The following PAFAH1B1 variants were observed in gnomAD, a reference collection of about 807,000 sequenced individuals.
PAFAH1B1 encodes platelet activating factor acetylhydrolase 1b regulatory subunit 1.
Under a neutral mutation model 57.5 loss-of-function variants are expected in PAFAH1B1, and 2 were observed. The observed-to-expected ratio is 0.03, with a 90% CI of 0.01 to 0.11. The LOEUF is 0.11. Ranked by LOEUF, PAFAH1B1 falls within the 10% of genes least tolerant of loss-of-function variation. The pLI, the probability that PAFAH1B1 is intolerant of heterozygous loss-of-function variation, is 1.00. For synonymous variants in PAFAH1B1, 152 were observed against 169.6 expected (o/e 0.90, Z 0.81); for missense variants, 257 against 512.0 (o/e 0.50, Z 4.81).
intron 5 of PAFAH1B1, among the ~76,000 whole-genome samples, chr17:2,669,838 TTATTTAC>T (rs2069157007): frequency 1.3e-5 from 2 of 152,176 alleles, no homozygotes; most frequent in Admixed American, 6.6e-5. Flanking sequence ...TTAAGTTTCC[TTATTTAC>T]ATGTCATTCC....
chr17:2,633,141 GATTT>G (rs1019248135), intron 1 of PAFAH1B1, among the ~76,000 whole-genome samples: 2 of 151,380 alleles, frequency 1.3e-5, no homozygotes, highest in African/African-American at 2.4e-5. Context: ...CCACCATCAA[GATTT>G]ATTTTTTTCT....
At position 2,666,084 on chromosome 17, in the gene PAFAH1B1, A is replaced by G; in HGVS notation, c.186A>G (p.Gln62=). 6.6e-7 allele frequency: 1 copy of G among 1,506,014 alleles called. No homozygotes were observed. Among genetic ancestry groups the G allele is most frequent in the Non-Finnish European group, 9.1e-7 (1 of 1,099,726 alleles). 93.3% of individuals were successfully genotyped at this position (1,506,014 alleles called of 1,614,324 possible). Residue 62 remains glutamine (Q), a synonymous_variant, in exon 4 of 11, where the codon CAA becomes CAG. Coordinates refer to ENST00000397195, the MANE Select transcript of PAFAH1B1 (RefSeq NM_000430.4). ...EKKWTSVIRL[Q]KKVMELESKL... is the part of the protein sequence containing the mutation. ...AATGGACATCTGTTATTAGATTACA[A>G]AAGAAGGTAACTAAGTCTTTTTTCT...
At chr17:2,628,328 G>T (rs2068517310) in intron 1 of PAFAH1B1, among the ~76,000 whole-genome samples, 1 of 152,106 alleles carries the variant, frequency 6.6e-6, no homozygotes, top group South Asian at 2.1e-4. Context: ...CTATTGAGAT[G>T]ATCATGTGGT....
chr17:2,642,763 G>T (rs1240050074), intron 2 of PAFAH1B1, among the ~76,000 whole-genome samples: 2 of 152,130 alleles, frequency 1.3e-5, no homozygotes, highest in Non-Finnish European at 2.9e-5. Context: ...AGGTTACTTA[G>T]AATTTGTTTT....
Position 2,593,789 on chromosome 17 carries a change from A to C in PAFAH1B1, c.-408A>C, listed in dbSNP as rs1475606766. The C allele has an allele frequency of 7.7e-6, 3 of 389,252 alleles. No homozygotes were observed. The highest frequency in any genetic ancestry group is 1.4e-5 in the Non-Finnish European group (3 of 220,532). 24.1% of individuals were successfully genotyped at this position (389,252 alleles called of 1,614,324 possible). ...GGAGCGCTCGGGCGCGAGCGAGAGAAACCGCGAGCGCCGAGCTTGGACTCG... is the reference window on the plus strand; with the variant it reads ...GGAGCGCTCGGGCGCGAGCGAGAGACACCGCGAGCGCCGAGCTTGGACTCG... On this transcript the variant is annotated 5_prime_UTR_variant, in exon 1 of 11. Transcript: ENST00000397195.
chr17:2,626,262 A>AG (rs2068488110), intron 1 of PAFAH1B1, among the ~76,000 whole-genome samples: 2 of 152,110 alleles, frequency 1.3e-5, no homozygotes, highest in African/African-American at 4.8e-5. Flanking sequence ...AAAAAAAAAA[A>AG]AAATTATTTC....
At chr17:2,681,265 C>T (rs958271690) in intron 10 of PAFAH1B1, 3 of 153,170 alleles carry the variant, frequency 2.0e-5, no homozygotes, top group African/African-American at 7.3e-5. Flanking sequence ...ATTTGAGCCC[C>T]ATTTGGGATG....
intron 2 of PAFAH1B1, among the ~76,000 whole-genome samples, chr17:2,645,150 G>A (rs1280001186): frequency 6.6e-6 from 1 of 152,172 alleles, no homozygotes; most frequent in Non-Finnish European, 1.5e-5. Context: ...AGCTGGCTGA[G>A]GCAAGAGGAT....
chr17:2,680,818 G>A, intron 10 of PAFAH1B1: 1 of 196,864 alleles, frequency 5.1e-6, no homozygotes, highest in African/African-American at 2.4e-5. Context: ...CAAAGCCTGC[G>A]TAAGGTGGGC....
At chr17:2,665,309 TTC>T in intron 2 of PAFAH1B1, 61 bp from the exon 3 acceptor site, 1 of 899,894 alleles carries the variant, frequency 1.1e-6, no homozygotes, top group Non-Finnish European at 1.9e-6. Context: ...TTTAAATAAA[TTC>T]TATTTCTTCA....
intron 2 of PAFAH1B1, among the ~76,000 whole-genome samples, chr17:2,647,841 A>G (rs981215157): frequency 6.6e-6 from 1 of 151,902 alleles, no homozygotes; most frequent in Non-Finnish European, 1.5e-5. Context: ...CGTCTCTACT[A>G]AAAATACAAA....
In PAFAH1B1 at chr17:2,653,975, A is replaced by AT. The variant is rs764444912; in HGVS notation, c.33-11391dup. ...AGGCGCGTGCCACCATGCCCGGTTAATTTTTTCTATTTTTAGTAGGAACAG... is the reference window on the plus strand; with the variant it reads ...AGGCGCGTGCCACCATGCCCGGTTAATTTTTTTCTATTTTTAGTAGGAACAG... On this transcript the variant is annotated intron_variant, in intron 2 of 10. Transcript: ENST00000397195. Among the ~76,000 whole-genome samples the AT allele has an allele frequency of 1.0e-4, 15 of 149,696 alleles. No individual in the cohort carries two copies. The South Asian group carries it at 1.3e-3, about 13-fold the overall frequency.
At position 2,684,521 on chromosome 17, in the gene PAFAH1B1, G is replaced by C. The variant is rs779502921; in HGVS notation, c.*2719G>C. On this transcript the variant is annotated 3_prime_UTR_variant, in exon 11 of 11. Transcript: ENST00000397195. ...TTGCATCCTCAGATGATTATTGACT[G>C]TGTGTGTGTGTGAAAACAGACATTC... The C allele has an allele frequency of 2.0e-5, 3 of 152,396 alleles. No homozygotes were observed. Among genetic ancestry groups the C allele is most frequent in the African/African-American group, 7.3e-5 (3 of 41,332 alleles). 9.4% of individuals were successfully genotyped at this position (152,396 alleles called of 1,614,324 possible).
At chr17:2,600,874 A>G (rs1030884209) in intron 1 of PAFAH1B1, among the ~76,000 whole-genome samples, 30 of 151,980 alleles carry the variant, frequency 2.0e-4, no homozygotes, top group African/African-American at 7.0e-4. Context: ...CTGGAATTAC[A>G]GGCATGTGCC....
At chr17:2,655,572 G>A (rs749063203) in intron 2 of PAFAH1B1, among the ~76,000 whole-genome samples, 6 of 152,204 alleles carry the variant, frequency 3.9e-5, no homozygotes, top group Admixed American at 6.5e-5. Context: ...CTACTCCGGA[G>A]GCAGAGGTTG....
Position 2,666,981 on chromosome 17 carries a change from T to C in PAFAH1B1, c.193-11T>C. On this transcript the variant is annotated splice_polypyrimidine_tract_variant and intron_variant, in intron 4 of 10. Transcript: ENST00000397195. ...AATCTATCTGTACGTAACTACATGT[T>C]CTTTTTCAAGGTTATGGAATTAGAA... 1 of 1,599,162 alleles carries C rather than the reference T, an allele frequency of 6.3e-7. No individual in the cohort carries two copies. The highest frequency in any genetic ancestry group is 8.6e-7 in the Non-Finnish European group (1 of 1,166,440).
At chr17:2,618,949 C>T (rs1025456345) in intron 1 of PAFAH1B1, among the ~76,000 whole-genome samples, 8 of 111,710 alleles carry the variant, frequency 7.2e-5, no homozygotes, top group African/African-American at 2.2e-4. Flanking sequence ...AGTGAGACTC[C>T]GTCTCAAAAA....
At chr17:2,594,685 A>T (rs2068065212) in intron 1 of PAFAH1B1, among the ~76,000 whole-genome samples, 1 of 152,042 alleles carries the variant, frequency 6.6e-6, no homozygotes, top group Non-Finnish European at 1.5e-5. Flanking sequence ...GCATCCACCC[A>T]CCGAATCTGG....
In PAFAH1B1 at chr17:2,676,480, TTAA is replaced by T. The variant is rs1281915914; in HGVS notation, c.901-23_901-21del. The T allele has an allele frequency of 5.5e-6, 8 of 1,447,680 alleles. No homozygotes were observed. In the Admixed American group the frequency reaches 6.7e-5, roughly 12 times the overall value. The allele number at this position is 1,447,680 out of a possible 1,614,324, so 89.7% of individuals were successfully genotyped here. A position where few individuals can be genotyped will look rare whatever the true frequency, so the allele number is the denominator to read the frequency against. ...ATACCTAACTTCTTGTGTGGGAAAC[TTAA>T]TTTTTATTATGTTTTCTGTAGACTA... On this transcript the variant is annotated intron_variant, in intron 8 of 10. Coordinates refer to ENST00000397195, the MANE Select transcript of PAFAH1B1 (RefSeq NM_000430.4).
Sources: gnomAD v4.1 joint callset for allele counts (sites outside exome capture counted in the v4.1 genomes callset) on GRCh38, gnomAD v4.1.1 for gene constraint, MANE v1.5 for transcripts, NCBI Gene and HGNC (gene_info 2026-07-23, HGNC 2026-07-21) for gene names.